ARID5B: variants seen among roughly 807,000 people sequenced by gnomAD.
ARID5B encodes the protein AT-rich interaction domain 5B, also known as AT-rich interactive domain-containing protein 5B.
ARID5B carries 13 observed loss-of-function variants against 97.2 expected under a neutral mutation model. That is an observed-to-expected ratio of 0.13 (90% CI 0.09 to 0.21). ARID5B has a LOEUF of 0.21. Among genes scored for constraint, ARID5B ranks in the 10% least tolerant of loss-of-function variants. The pLI, the probability that ARID5B is intolerant of heterozygous loss-of-function variation, is 1.00. For synonymous variants in ARID5B, 556 were observed against 570.3 expected (o/e 0.97, Z 0.36); for missense variants, 1,210 against 1,465.3 (o/e 0.83, Z 2.84).
intron 4 of ARID5B, among the ~76,000 whole-genome samples, chr10:62,045,541 C>T (rs1839696470): frequency 6.6e-6 from 1 of 151,856 alleles, no homozygotes; most frequent in African/African-American, 2.4e-5. Flanking sequence ...ACCACCGCCT[C>T]CCGGGTTCAA....
chr10:62,091,905 A>C lies in ARID5B; in HGVS notation c.2442A>C (p.Leu814Phe). Residue 814 changes from leucine (L) to phenylalanine (F), a missense_variant, in exon 10 of 10, where the codon TTA becomes TTC. Physicochemically the swap from Leu to Phe is conservative, Grantham distance 22 (BLOSUM62 0). Transcript: ENST00000279873. ...QEIQEGKDKLLEKRALPHSHM... is the reference protein window; with the variant it reads ...QEIQEGKDKLFEKRALPHSHM... ...TTCAGGAGGGCAAGGATAAACTCTTAGAGAAAAGGGCCCTCCCCCATTCCC... is the reference window on the plus strand; with the variant it reads ...TTCAGGAGGGCAAGGATAAACTCTTCGAGAAAAGGGCCCTCCCCCATTCCC... 1 of 1,614,106 alleles carries C rather than the reference A, an allele frequency of 6.2e-7. No homozygotes were observed. Among genetic ancestry groups the C allele is most frequent in the Non-Finnish European group, 8.5e-7 (1 of 1,180,008 alleles).
chr10:62,050,648 C>T (rs1056009632), intron 4 of ARID5B, among the ~76,000 whole-genome samples: 1 of 152,136 alleles, frequency 6.6e-6, no homozygotes, highest in African/African-American at 2.4e-5. Flanking sequence ...CGTGTTACTT[C>T]TATTAATTAG....
At chr10:62,013,702 TCACTC>T (rs998695037) in intron 4 of ARID5B, among the ~76,000 whole-genome samples, 6 of 151,724 alleles carry the variant, frequency 4.0e-5, no homozygotes, top group South Asian at 2.1e-4. Context: ...CTACCTTACT[TCACTC>T]CACACAATGC....
intron 5 of ARID5B, among the ~76,000 whole-genome samples, chr10:62,056,060 C>T (rs1294060305): frequency 6.6e-6 from 1 of 152,102 alleles, no homozygotes; most frequent in Non-Finnish European, 1.5e-5. Flanking sequence ...CAGAGTCTGA[C>T]CCTTTGTACT....
At chr10:62,036,994 CA>C (rs1280211256) in intron 4 of ARID5B, among the ~76,000 whole-genome samples, 2 of 152,176 alleles carry the variant, frequency 1.3e-5, no homozygotes, top group Non-Finnish European at 2.9e-5. Context: ...TCTTTGGTTC[CA>C]GATTCATGTG....
rs75324393 is a variant in ARID5B, at chr10:61,912,831, G to A, written c.276+10418G>A. On this transcript the variant is annotated intron_variant, in intron 2 of 9. Coordinates refer to ENST00000279873, the MANE Select transcript of ARID5B (RefSeq NM_032199.3). ...TAGCAAGCCAAGTTACCCCCCAGTT[G>A]CTTGTCACTAAGCTTGCCCTAAGCT... 1.4e-3 allele frequency among the ~76,000 whole-genome samples: 209 copies of A among 152,050 alleles called. 2 individuals are homozygous for A. The East Asian group carries it at 0.02, about 14-fold the overall frequency.
intron 2 of ARID5B, among the ~76,000 whole-genome samples, chr10:61,937,101 T>C (rs1457125723): frequency 2.0e-5 from 3 of 152,176 alleles, no homozygotes; most frequent in Non-Finnish European, 4.4e-5. Context: ...ACTAAATCAA[T>C]GTTACAAGTT....
chr10:61,987,091 G>A (rs984802204), intron 3 of ARID5B, among the ~76,000 whole-genome samples: 5 of 152,130 alleles, frequency 3.3e-5, no homozygotes, highest in East Asian at 3.9e-4. Flanking sequence ...AGAGCTGCCA[G>A]GCCAAAGCAG....
intron 9 of ARID5B, among the ~76,000 whole-genome samples, chr10:62,086,328 G>A (rs1422097901): frequency 3.3e-5 from 5 of 152,086 alleles, no homozygotes; most frequent in Non-Finnish European, 5.9e-5. Context: ...GGTGGCTCGC[G>A]CCTGTAATCC....
At chr10:61,968,364 A>G (rs1838577268) in intron 3 of ARID5B, among the ~76,000 whole-genome samples, 1 of 151,718 alleles carries the variant, frequency 6.6e-6, no homozygotes, top group Non-Finnish European at 1.5e-5. Context: ...TTTAGAAAAT[A>G]CTAACATACA....
At chr10:62,082,203 T>G (rs1840222301) in intron 8 of ARID5B, among the ~76,000 whole-genome samples, 1 of 152,198 alleles carries the variant, frequency 6.6e-6, no homozygotes, top group Admixed American at 6.5e-5. Flanking sequence ...ATGTTATTTT[T>G]TAATACATAA....
intron 4 of ARID5B, among the ~76,000 whole-genome samples, chr10:62,019,781 A>G (rs149465707): frequency 1.8e-3 from 277 of 152,334 alleles, no homozygotes; most frequent in South Asian, 6.4e-3. Context: ...ATACACTTTT[A>G]GTCTCTTTCC....
At chr10:61,961,731 G>A (rs965459828) in intron 3 of ARID5B, among the ~76,000 whole-genome samples, 2 of 151,956 alleles carry the variant, frequency 1.3e-5, no homozygotes, top group Non-Finnish European at 2.9e-5. Context: ...TCAATTCTGG[G>A]CAATTTCTTT....
chr10:61,984,213 A>G (rs1838816529), intron 3 of ARID5B, among the ~76,000 whole-genome samples: 1 of 152,134 alleles, frequency 6.6e-6, no homozygotes. Context: ...GGGAGCCACC[A>G]ACTCCTCCTT....
At chr10:62,047,685 T>G (rs914075896) in intron 4 of ARID5B, among the ~76,000 whole-genome samples, 1 of 152,022 alleles carries the variant, frequency 6.6e-6, no homozygotes, top group Non-Finnish European at 1.5e-5. Context: ...CTTACATGAG[T>G]GAATTAAAGT....
At chr10:62,028,371 T>G (rs1839449721) in intron 4 of ARID5B, among the ~76,000 whole-genome samples, 1 of 152,182 alleles carries the variant, frequency 6.6e-6, no homozygotes. Flanking sequence ...CTGTTGTCAC[T>G]GCATTCTGCT....
intron 4 of ARID5B, among the ~76,000 whole-genome samples, chr10:62,002,834 C>T (rs1327159598): frequency 6.6e-6 from 1 of 152,110 alleles, no homozygotes; most frequent in African/African-American, 2.4e-5. Flanking sequence ...GATGAATTTT[C>T]TACACAGTAT....
At chr10:61,926,006 G>C (rs1463269153) in intron 2 of ARID5B, among the ~76,000 whole-genome samples, 1 of 152,186 alleles carries the variant, frequency 6.6e-6, no homozygotes, top group Non-Finnish European at 1.5e-5. Flanking sequence ...GGTTGGAAGA[G>C]GAGGGGCTAG....
At chr10:62,079,529 C>T (rs774183807) in intron 8 of ARID5B, among the ~76,000 whole-genome samples, 1 of 152,150 alleles carries the variant, frequency 6.6e-6, no homozygotes, top group South Asian at 2.1e-4. Context: ...CTCTACCTTC[C>T]CACCTTGCTT....
Sources: allele counts gnomAD v4.1 joint callset (sites outside exome capture counted in the v4.1 genomes callset), GRCh38; gene constraint gnomAD v4.1.1; transcripts MANE v1.5; gene names NCBI Gene and HGNC (gene_info 2026-07-23, HGNC 2026-07-21).